Variants in AKT3 observed in about 807,000 individuals in gnomAD.
AKT3 encodes RAC-gamma serine/threonine-protein kinase.
AKT3 carries 15 observed loss-of-function variants against 65.3 expected under a neutral mutation model. That is an observed-to-expected ratio of 0.23 (90% CI 0.15 to 0.35). AKT3 has a LOEUF of 0.35. Ranked by LOEUF, AKT3 falls within the 10% of genes least tolerant of loss-of-function variation. The pLI is 1.00. For synonymous variants in AKT3, 206 were observed against 183.8 expected (o/e 1.12, Z -0.98); for missense variants, 243 against 576.5 (o/e 0.42, Z 5.92).
chr1:243,647,857 T>C (rs528572860), intron 4 of AKT3, among the ~76,000 whole-genome samples: 2 of 152,370 alleles, frequency 1.3e-5, no homozygotes, highest in Admixed American at 1.3e-4. Context: ...TCATCCCCCT[T>C]GAATATTATG....
intron 8 of AKT3, among the ~76,000 whole-genome samples, chr1:243,582,458 A>G (rs934880585): frequency 5.8e-5 from 6 of 104,238 alleles, no homozygotes; most frequent in Non-Finnish European, 1.2e-4. Context: ...AAAAAAAAAA[A>G]AAAAAAAAAA....
At chr1:243,488,611 G>A (rs902653885) in intron 13 of AKT3, among the ~76,000 whole-genome samples, 2 of 152,138 alleles carry the variant, frequency 1.3e-5, no homozygotes, top group African/African-American at 4.8e-5. Flanking sequence ...TTACTTCAGT[G>A]TTTCCACGGC....
chr1:243,679,049 G>A (rs1683731229), intron 3 of AKT3, among the ~76,000 whole-genome samples: 1 of 152,098 alleles, frequency 6.6e-6, no homozygotes, highest in Non-Finnish European at 1.5e-5. Context: ...AGAAGACAAT[G>A]AGGATGAAGA....
intron 2 of AKT3, among the ~76,000 whole-genome samples, chr1:243,785,228 C>T (rs1350150514): frequency 6.6e-6 from 1 of 150,656 alleles, no homozygotes; most frequent in Admixed American, 6.6e-5. Flanking sequence ...GCCACCATGC[C>T]CAGCTAATTT....
chr1:243,599,843 A>G (rs1676883373), intron 8 of AKT3, among the ~76,000 whole-genome samples: 1 of 152,128 alleles, frequency 6.6e-6, no homozygotes. Context: ...TAATAAGGCA[A>G]GGAAATGTAC....
intron 2 of AKT3, among the ~76,000 whole-genome samples, chr1:243,842,912 CTT>C (rs113423798): frequency 1.3e-4 from 19 of 151,158 alleles, no homozygotes; most frequent in African/African-American, 4.7e-4. Context: ...TCAAACCTAA[CTT>C]AACTAGATTA....
At chr1:243,551,434 A>T (rs991732586) in intron 11 of AKT3, among the ~76,000 whole-genome samples, 4 of 152,186 alleles carry the variant, frequency 2.6e-5, no homozygotes, top group African/African-American at 9.6e-5. Flanking sequence ...CTCTTTTATT[A>T]TGTTTGCTTA....
chr1:243,583,211 CACAT>C (rs1675533967), intron 8 of AKT3, among the ~76,000 whole-genome samples: 1 of 142,298 alleles, frequency 7.0e-6, no homozygotes, highest in African/African-American at 2.6e-5. Flanking sequence ...CACACACACA[CACAT>C]ATATCTTCCA....
intron 3 of AKT3, among the ~76,000 whole-genome samples, chr1:243,668,021 C>T (rs376602733): frequency 9.2e-5 from 14 of 152,182 alleles, no homozygotes; most frequent in Non-Finnish European, 1.9e-4. Context: ...CTTCTCTTAC[C>T]TGCTCTATTT....
At position 243,843,019 on chromosome 1, in the gene AKT3, A is replaced by C; in HGVS notation, c.46+106T>G. On this transcript the variant is annotated intron_variant, in intron 2 of 13. Transcript: ENST00000673466. ...ATATCATTTCTCTCTTACTAGACATAGCATGACACAGTTTAACAGTATCAG... is the reference window on the plus strand; with the variant it reads ...ATATCATTTCTCTCTTACTAGACATCGCATGACACAGTTTAACAGTATCAG... 2.6e-6 allele frequency: 3 copies of C among 1,158,076 alleles called. No individual in the cohort carries two copies. The South Asian group carries it at 4.8e-5, about 19-fold the overall frequency. The allele number at this position is 1,158,076 out of a possible 1,614,324, so 71.7% of individuals were successfully genotyped here. A position where few individuals can be genotyped will look rare whatever the true frequency, so the allele number is the denominator to read the frequency against.
At chr1:243,803,655 C>T (rs1413510528) in intron 2 of AKT3, among the ~76,000 whole-genome samples, 4 of 123,882 alleles carry the variant, frequency 3.2e-5, no homozygotes. Flanking sequence ...TACACACACA[C>T]ACACACACAC....
At chr1:243,493,188 C>T (rs1242706104) in intron 13 of AKT3, among the ~76,000 whole-genome samples, 1 of 121,024 alleles carries the variant, frequency 8.3e-6, no homozygotes, top group East Asian at 2.3e-4. Flanking sequence ...TCTTGAGAGG[C>T]AGGCCCTGGC....
At chr1:243,850,898 G>A (rs1387990052), upstream of AKT3, among the ~76,000 whole-genome samples, 2 of 152,108 alleles carry the variant, frequency 1.3e-5, no homozygotes, top group Non-Finnish European at 2.9e-5. Flanking sequence ...GGGCACCCGA[G>A]GCCCGGGAGC....
intron 12 of AKT3, among the ~76,000 whole-genome samples, chr1:243,524,693 G>A (rs192061229): frequency 8.5e-5 from 13 of 152,306 alleles, no homozygotes; most frequent in Non-Finnish European, 1.5e-4. Context: ...AAGAAAAGGT[G>A]TACATCTGGC....
intron 2 of AKT3, among the ~76,000 whole-genome samples, chr1:243,774,979 C>T (rs1314660864): frequency 6.6e-6 from 1 of 152,170 alleles, no homozygotes; most frequent in African/African-American, 2.4e-5. Context: ...CCTCCCACCT[C>T]AGCCACCTGA....
intron 2 of AKT3, among the ~76,000 whole-genome samples, chr1:243,815,776 A>T (rs145964438): frequency 1.4e-5 from 2 of 147,186 alleles, no homozygotes; most frequent in South Asian, 2.2e-4. Flanking sequence ...ACACCCAGCT[A>T]GTTGTTGTTG....
intron 2 of AKT3, among the ~76,000 whole-genome samples, chr1:243,763,138 C>T (rs1689596782): frequency 6.6e-6 from 1 of 152,008 alleles, no homozygotes; most frequent in African/African-American, 2.4e-5. Context: ...TCATTTTATT[C>T]TACTGAAATT....
chr1:243,578,573 A>G (rs1675114377), intron 8 of AKT3, among the ~76,000 whole-genome samples: 1 of 152,154 alleles, frequency 6.6e-6, no homozygotes, highest in African/African-American at 2.4e-5. Flanking sequence ...AAAATGGCTA[A>G]TGCATGCTGA....
intron 12 of AKT3, among the ~76,000 whole-genome samples, chr1:243,540,474 A>G (rs943266143): frequency 2.6e-5 from 4 of 152,210 alleles, no homozygotes; most frequent in African/African-American, 9.6e-5. Context: ...TCTATATTAT[A>G]ACATCATGTT....
Sources: allele counts gnomAD v4.1 joint callset (sites outside exome capture counted in the v4.1 genomes callset), GRCh38; gene constraint gnomAD v4.1.1; transcripts MANE v1.5; gene names NCBI Gene and HGNC (gene_info 2026-07-23, HGNC 2026-07-21).